Variants in CTNNA3 observed in about 807,000 individuals in gnomAD.
CTNNA3 encodes the protein catenin alpha-3.
A neutral mutation model predicts 95.7 loss-of-function variants in CTNNA3; 76 were observed. The observed-to-expected ratio is 0.79, with a 90% CI of 0.66 to 0.96. CTNNA3 has a LOEUF of 0.96. Among genes scored for constraint, CTNNA3 ranks in the 40% least tolerant of loss-of-function variants. The probability of loss-of-function intolerance (pLI) is 0.00; values close to 1 mark genes in which losing one functional copy is unlikely to be tolerated. For missense variants in CTNNA3, 1,191 were observed against 1,089.8 expected, an observed-to-expected ratio of 1.09 and a Z score of -1.31; for synonymous variants, 431 against 374.4, an observed-to-expected ratio of 1.15 and a Z score of -1.74.
intron 5 of CTNNA3, among the ~76,000 whole-genome samples, chr10:67,444,418 C>A (rs1051133851): frequency 1.3e-5 from 2 of 151,952 alleles, no homozygotes; most frequent in Non-Finnish European, 2.9e-5. Flanking sequence ...CAAGTTCATA[C>A]CTATAAATGC....
At chr10:66,428,049 T>A (rs929978139) in intron 11 of CTNNA3, among the ~76,000 whole-genome samples, 12 of 151,874 alleles carry the variant, frequency 7.9e-5, no homozygotes, top group African/African-American at 2.7e-4. Flanking sequence ...AATAAAAGGA[T>A]GGAGGAAGAT....
Position 66,557,487 on chromosome 10 carries a change from T to C in CTNNA3, c.1375-36714A>G, listed in dbSNP as rs1201597669. Among the ~76,000 whole-genome samples, 11 of 152,142 alleles carry C rather than the reference T, an allele frequency of 7.2e-5. 1 individual carries two copies. The South Asian group carries it at 1.0e-3, about 14-fold the overall frequency. On this transcript the variant is annotated intron_variant, in intron 10 of 17. Coordinates refer to ENST00000433211, the MANE Select transcript of CTNNA3 (RefSeq NM_013266.4). ...TCTCTGGTCAAAAACATTGTGAATA[T>C]ATTAAGCATGCTTCAGTGAGGGTTT...
At chr10:67,059,890 T>C (rs1048605822) in intron 7 of CTNNA3, among the ~76,000 whole-genome samples, 3 of 152,190 alleles carry the variant, frequency 2.0e-5, no homozygotes, top group Non-Finnish European at 4.4e-5. Context: ...GATATGTAAA[T>C]ATTTTAGGTG....
At chr10:66,652,539 A>C (rs1348007671) in intron 9 of CTNNA3, among the ~76,000 whole-genome samples, 1 of 152,184 alleles carries the variant, frequency 6.6e-6, no homozygotes, top group East Asian at 1.9e-4. Flanking sequence ...AGATGGCTTC[A>C]CTGCTTAATT....
intron 5 of CTNNA3, among the ~76,000 whole-genome samples, chr10:67,355,286 C>A (rs1328679764): frequency 6.6e-6 from 1 of 151,986 alleles, no homozygotes; most frequent in African/African-American, 2.4e-5. Flanking sequence ...AGGCAGATTT[C>A]ATGAGATAGG....
Position 67,692,309 on chromosome 10 carries a change from TG to T in CTNNA3, c.-6+3690del, listed in dbSNP as rs1264217022. Among the ~76,000 whole-genome samples, 7 of 145,954 alleles carry T rather than the reference TG, an allele frequency of 4.8e-5. No homozygotes were observed. In the East Asian group the frequency reaches 6.2e-4, roughly 13 times the overall value. On this transcript the variant is annotated intron_variant, in intron 1 of 17. Transcript: ENST00000433211. Reference sequence around the variant, plus strand: ...TTGTGGAATAGAAAGGGGGGAAAGGTGGGGGAAAGATTGAGAAATCGGATGG... The same window carrying T: ...TTGTGGAATAGAAAGGGGGGAAAGGTGGGGAAAGATTGAGAAATCGGATGG...
At chr10:66,258,140 A>G (rs903816662) in intron 13 of CTNNA3, among the ~76,000 whole-genome samples, 1 of 152,190 alleles carries the variant, frequency 6.6e-6, no homozygotes, top group African/African-American at 2.4e-5. Flanking sequence ...CAAGACAGCA[A>G]TCTACTCCCT....
intron 5 of CTNNA3, among the ~76,000 whole-genome samples, chr10:67,305,989 G>C (rs528921390): frequency 6.6e-6 from 1 of 152,322 alleles, no homozygotes; most frequent in South Asian, 2.1e-4. Flanking sequence ...GAATCAGTGT[G>C]CTTGACAAGT....
chr10:67,061,718 G>A (rs1855767170), intron 7 of CTNNA3, among the ~76,000 whole-genome samples: 1 of 152,188 alleles, frequency 6.6e-6, no homozygotes, highest in Non-Finnish European at 1.5e-5. Context: ...CAGCAGTTGT[G>A]TGCATATTCT....
upstream of CTNNA3, among the ~76,000 whole-genome samples, chr10:67,699,669 C>T (rs111381618): frequency 0.13 from 19,568 of 152,182 alleles, 1,936 homozygotes; most frequent in African/African-American, 0.28. Flanking sequence ...GGAACAGCTC[C>T]GGTCTACAGC....
chr10:66,607,928 A>G (rs1457003861), intron 10 of CTNNA3, among the ~76,000 whole-genome samples: 1 of 152,160 alleles, frequency 6.6e-6, no homozygotes, highest in Non-Finnish European at 1.5e-5. Context: ...TACCTAACAT[A>G]GTATTGGAAG....
In CTNNA3 at chr10:66,449,487, A is replaced by G. The variant is rs1015071469; in HGVS notation, c.1532-70135T>C. Among the ~76,000 whole-genome samples, 11 of 152,164 alleles carry G rather than the reference A, an allele frequency of 7.2e-5. 1 individual carries two copies. The highest frequency in any genetic ancestry group is 1.5e-4 in the Non-Finnish European group (10 of 68,014). On this transcript the variant is annotated intron_variant, in intron 11 of 17. Transcript: ENST00000433211. ...GTTTTCCAATTGTTTGATTTTTGGC[A>G]TTTCAATACTTGAAATTAAAAATGC...
At chr10:66,236,917 C>T (rs1263266633) in intron 13 of CTNNA3, among the ~76,000 whole-genome samples, 1 of 151,758 alleles carries the variant, frequency 6.6e-6, no homozygotes, top group Non-Finnish European at 1.5e-5. Context: ...GAGTTCGAGA[C>T]CAGCCTAGGC....
intron 7 of CTNNA3, among the ~76,000 whole-genome samples, chr10:67,037,688 T>C (rs1854148970): frequency 6.6e-6 from 1 of 152,186 alleles, no homozygotes; most frequent in Non-Finnish European, 1.5e-5. Flanking sequence ...ATTTTTAGAA[T>C]GGAGTATTGA....
intron 7 of CTNNA3, among the ~76,000 whole-genome samples, chr10:67,046,112 G>GA (rs34309255): frequency 0.45 from 67,925 of 151,938 alleles, 15,517 homozygotes; most frequent in Middle Eastern, 0.61. Flanking sequence ...GCTAATCCCA[G>GA]AAAAGGCAGT....
At chr10:67,269,710 T>C (rs1472156338) in intron 5 of CTNNA3, among the ~76,000 whole-genome samples, 1 of 152,168 alleles carries the variant, frequency 6.6e-6, no homozygotes, top group Non-Finnish European at 1.5e-5. Flanking sequence ...AGTAGACATA[T>C]GGCAGGAGCA....
intron 9 of CTNNA3, among the ~76,000 whole-genome samples, chr10:66,720,677 A>T (rs1468603655): frequency 6.6e-6 from 1 of 152,020 alleles, no homozygotes; most frequent in African/African-American, 2.4e-5. Context: ...TACTAAAAAT[A>T]CAAAAAAATA....
intron 7 of CTNNA3, among the ~76,000 whole-genome samples, chr10:66,918,209 A>G (rs1315455739): frequency 6.6e-6 from 1 of 152,218 alleles, no homozygotes; most frequent in Non-Finnish European, 1.5e-5. Context: ...AGCAAGTACC[A>G]ACAACAAATA....
chr10:66,775,406 C>T lies in CTNNA3; in HGVS notation c.1128+38G>A, dbSNP rs114965758. ...GCAATGAATAACAGTTTCATTTAGC[C>T]CCTATGTTTCTGACTCCATATCTCT... is the stretch of plus-strand genomic sequence containing the variant. On this transcript the variant is annotated intron_variant, in intron 8 of 17. Transcript: ENST00000433211. 1,246 of 1,338,302 alleles carry T rather than the reference C, an allele frequency of 9.3e-4. 12 individuals are homozygous for T. The African/African-American group carries it at 0.017, about 18-fold the overall frequency. 82.9% of individuals were successfully genotyped at this position (1,338,302 alleles called of 1,614,324 possible). A position where few individuals can be genotyped will look rare whatever the true frequency, so the allele number is the denominator to read the frequency against.
Sources: gnomAD v4.1 joint callset for allele counts (sites outside exome capture counted in the v4.1 genomes callset) on GRCh38, gnomAD v4.1.1 for gene constraint, MANE v1.5 for transcripts, NCBI Gene and HGNC (gene_info 2026-07-23, HGNC 2026-07-21) for gene names.